Variants in TAOK3 observed in about 807,000 individuals in gnomAD.
TAOK3 encodes the protein serine/threonine-protein kinase TAO3.
Under a neutral mutation model 120.4 loss-of-function variants are expected in TAOK3, and 40 were observed. The ratio of observed to expected loss-of-function variants is 0.33; its 90% CI spans 0.26 to 0.43. The LOEUF (loss-of-function observed/expected upper bound fraction) is 0.43. Ranked by LOEUF, TAOK3 falls within the 20% of genes least tolerant of loss-of-function variation. The pLI, the probability that TAOK3 is intolerant of heterozygous loss-of-function variation, is 1.00. For missense variants in TAOK3, 821 were observed against 1,112.1 expected, an observed-to-expected ratio of 0.74 and a Z score of 3.72; for synonymous variants, 355 against 387.5, an observed-to-expected ratio of 0.92 and a Z score of 0.99.
chr12:118,258,342 GTT>G (rs1430179621), intron 2 of TAOK3, among the ~76,000 whole-genome samples: 1 of 152,140 alleles, frequency 6.6e-6, no homozygotes. Flanking sequence ...CAAGTATAAA[GTT>G]ACTACATCAA....
At chr12:118,346,720 G>GAT (rs1472023626) in intron 1 of TAOK3, among the ~76,000 whole-genome samples, 1 of 152,182 alleles carries the variant, frequency 6.6e-6, no homozygotes, top group Non-Finnish European at 1.5e-5. Flanking sequence ...CATAGGCAAA[G>GAT]ATATGTTCAA....
intron 16 of TAOK3, among the ~76,000 whole-genome samples, chr12:118,175,359 G>C (rs969364252): frequency 6.6e-5 from 10 of 152,126 alleles, no homozygotes; most frequent in African/African-American, 2.4e-4. Context: ...AGGCGTGGTG[G>C]CTCACGCCTG....
At chr12:118,254,322 C>T (rs772086491) in intron 3 of TAOK3, among the ~76,000 whole-genome samples, 3 of 152,144 alleles carry the variant, frequency 2.0e-5, no homozygotes, top group Non-Finnish European at 4.4e-5. Context: ...ATCCATCCAT[C>T]CATCCATCCA....
intron 3 of TAOK3, among the ~76,000 whole-genome samples, chr12:118,254,110 A>C (rs1263685158): frequency 6.6e-6 from 1 of 152,342 alleles, no homozygotes; most frequent in East Asian, 1.9e-4. Context: ...TTTCAGGTGA[A>C]TAAGCTGTGT....
chr12:118,216,145 C>G (rs778162239), intron 9 of TAOK3, among the ~76,000 whole-genome samples: 6 of 152,140 alleles, frequency 3.9e-5, no homozygotes, highest in Non-Finnish European at 2.9e-5. Flanking sequence ...TTTCAGTGGG[C>G]TGAGATCGGC....
intron 1 of TAOK3, among the ~76,000 whole-genome samples, chr12:118,284,808 G>T (rs2042208113): frequency 6.6e-6 from 1 of 152,002 alleles, no homozygotes; most frequent in Non-Finnish European, 1.5e-5. Context: ...AGGGTAAGTT[G>T]AATTCTTAGC....
At chr12:118,180,186 G>A (rs1169318363) in intron 15 of TAOK3, among the ~76,000 whole-genome samples, 2 of 150,912 alleles carry the variant, frequency 1.3e-5, no homozygotes, top group Admixed American at 6.6e-5. Flanking sequence ...GACCTCAGGC[G>A]ATCCACCCAC....
chr12:118,369,705 C>T (rs1329989072), intron 1 of TAOK3, among the ~76,000 whole-genome samples: 2 of 151,974 alleles, frequency 1.3e-5, no homozygotes, highest in African/African-American at 4.8e-5. Flanking sequence ...GTTAACCGAC[C>T]TTATTTTTAC....
chr12:118,321,060 T>C (rs1174965184), intron 1 of TAOK3, among the ~76,000 whole-genome samples: 1 of 152,080 alleles, frequency 6.6e-6, no homozygotes, highest in Non-Finnish European at 1.5e-5. Flanking sequence ...ATAAACAACA[T>C]TAAAAAAGAT....
At chr12:118,285,921 G>A (rs374967586) in intron 1 of TAOK3, among the ~76,000 whole-genome samples, 5 of 152,156 alleles carry the variant, frequency 3.3e-5, no homozygotes, top group African/African-American at 7.2e-5. Context: ...GGCAAAAGGC[G>A]GAAGGACTCC....
intron 1 of TAOK3, among the ~76,000 whole-genome samples, chr12:118,301,841 CAA>C (rs777882071): frequency 0.18 from 12,350 of 68,264 alleles, 388 homozygotes; most frequent in Non-Finnish European, 0.24. Flanking sequence ...GACTCCATCT[CAA>C]AAAAAAAAAA....
At chr12:118,198,931 G>T in intron 13 of TAOK3, 120 bp downstream of exon 13, 1 of 1,019,492 alleles carries the variant, frequency 9.8e-7, no homozygotes, top group Non-Finnish European at 1.5e-6. Context: ...TCACATGCCA[G>T]GTTTAGTACC....
intron 7 of TAOK3, chr12:118,236,797 A>C (rs1290981487): frequency 1.3e-5 from 2 of 152,186 alleles, no homozygotes; most frequent in Non-Finnish European, 2.9e-5. Context: ...CAAAACAATA[A>C]AAATCTGAGA....
At chr12:118,290,250 G>A (rs1289282241) in intron 1 of TAOK3, among the ~76,000 whole-genome samples, 4 of 152,098 alleles carry the variant, frequency 2.6e-5, no homozygotes, top group Non-Finnish European at 5.9e-5. Flanking sequence ...GTCTACTCTT[G>A]GATCTTGTCC....
At chr12:118,196,086 TAAATAAATAAAA>T (rs1228782348) in intron 13 of TAOK3, among the ~76,000 whole-genome samples, 1 of 150,688 alleles carries the variant, frequency 6.6e-6, no homozygotes, top group Non-Finnish European at 1.5e-5. Context: ...AATAAATAAA[TAAATAAATAAAA>T]GGAAGTTTGG....
intron 14 of TAOK3, among the ~76,000 whole-genome samples, chr12:118,183,484 A>G (rs550664553): frequency 2.0e-5 from 3 of 152,346 alleles, no homozygotes; most frequent in Non-Finnish European, 4.4e-5. Context: ...GGATAGCATC[A>G]CCCAAAAGGC....
intron 13 of TAOK3, among the ~76,000 whole-genome samples, chr12:118,197,683 T>C (rs949079136): frequency 1.9e-4 from 4 of 20,846 alleles, no homozygotes; most frequent in Non-Finnish European, 4.9e-4. Context: ...CAAAACCTTC[T>C]TTTTTTTTTT....
chr12:118,175,396 G>T (rs1014252269), intron 16 of TAOK3, among the ~76,000 whole-genome samples: 2 of 152,112 alleles, frequency 1.3e-5, no homozygotes, highest in Admixed American at 1.3e-4. Context: ...GGAGGCTGAG[G>T]TGAAGGATTA....
intron 1 of TAOK3, among the ~76,000 whole-genome samples, chr12:118,269,749 ATCTC>A (rs993282379): frequency 3.3e-5 from 5 of 152,132 alleles, no homozygotes; most frequent in African/African-American, 7.2e-5. Context: ...TTCTAAAATT[ATCTC>A]TCTAAGACTT....
Sources: gnomAD v4.1 joint callset for allele counts (sites outside exome capture counted in the v4.1 genomes callset) on GRCh38, gnomAD v4.1.1 for gene constraint, MANE v1.5 for transcripts, NCBI Gene and HGNC (gene_info 2026-07-23, HGNC 2026-07-21) for gene names.